ARHGAP26: variants seen among roughly 807,000 people sequenced by gnomAD.
ARHGAP26 encodes rho GTPase-activating protein 26.
In ARHGAP26, 38 loss-of-function variants were observed where a neutral mutation model predicts 104.8. The ratio of observed to expected loss-of-function variants is 0.36; its 90% CI spans 0.28 to 0.48. The LOEUF (loss-of-function observed/expected upper bound fraction) is 0.48. Ranked by LOEUF, ARHGAP26 falls within the 20% of genes least tolerant of loss-of-function variation. ARHGAP26 has a pLI of 0.99. For synonymous variants in ARHGAP26, 341 were observed against 340.0 expected, an observed-to-expected ratio of 1.00 and a Z score of -0.03; for missense variants, 704 against 947.9, an observed-to-expected ratio of 0.74 and a Z score of 3.38.
In ARHGAP26 at chr5:142,816,371, G is replaced by A. The variant is rs187294282; in HGVS notation, c.154+45456G>A. ...TGTTAGGTACAGTGAAGGCTGCAGC[G>A]ATAAAGCCTGCTCAATCTCTTCCCC... On this transcript the variant is annotated intron_variant, in intron 1 of 22. Coordinates refer to ENST00000645722, the MANE Select transcript of ARHGAP26 (RefSeq NM_001135608.3). 2.6e-3 allele frequency among the ~76,000 whole-genome samples: 397 copies of A among 152,300 alleles called. 3 individuals are homozygous for A. The highest frequency in any genetic ancestry group is 2.0e-3 in the Non-Finnish European group (134 of 68,026).
chr5:143,023,856 C>T (rs1780668929), intron 12 of ARHGAP26, among the ~76,000 whole-genome samples: 5 of 152,252 alleles, frequency 3.3e-5, no homozygotes, highest in Admixed American at 3.3e-4. Context: ...CCTCCCTTGC[C>T]TGCGTTCCTT....
intron 18 of ARHGAP26, among the ~76,000 whole-genome samples, chr5:143,126,703 C>G (rs980120716): frequency 1.3e-5 from 2 of 152,122 alleles, no homozygotes; most frequent in African/African-American, 4.8e-5. Flanking sequence ...GACTCCTTAC[C>G]GTGGACTCTC....
At position 143,198,500 on chromosome 5, in the gene ARHGAP26, C is replaced by A. The variant is rs569728417; in HGVS notation, c.1989-8698C>A. ...AATAAGTATTGTGAGCCACGGTGCA[C>A]AATAGAAGCATTCTGCCCATTTAAC... is the stretch of plus-strand genomic sequence containing the variant. On this transcript the variant is annotated intron_variant, in intron 20 of 22. Coordinates refer to ENST00000645722, the MANE Select transcript of ARHGAP26 (RefSeq NM_001135608.3). Among the ~76,000 whole-genome samples the A allele has an allele frequency of 3.3e-5, 5 of 152,262 alleles. No homozygotes were observed. In the South Asian group the frequency reaches 6.2e-4, roughly 19 times the overall value.
rs561737604 is a variant in ARHGAP26, at chr5:143,227,181, G to T, written c.*4735G>T. The T allele has an allele frequency of 1.2e-3, 279 of 230,330 alleles. No individual in the cohort carries two copies. The highest frequency in any genetic ancestry group is 1.9e-3 in the Non-Finnish European group (216 of 116,284). The allele number at this position is 230,330 out of a possible 1,614,324, so 14.3% of individuals were successfully genotyped here. On this transcript the variant is annotated 3_prime_UTR_variant, in exon 23 of 23. Transcript: ENST00000645722. ...TCCCGGAGACAGCAGTGGCCACCAT[G>T]GCACCCAGAGTTTGCCCAAGTACTG...
At chr5:143,139,881 A>T (rs1798314533) in intron 19 of ARHGAP26, among the ~76,000 whole-genome samples, 1 of 152,218 alleles carries the variant, frequency 6.6e-6, no homozygotes, top group Non-Finnish European at 1.5e-5. Context: ...ACGACTGTAG[A>T]AGGGGGAGCC....
chr5:142,973,719 TAAG>T (rs200996894), intron 11 of ARHGAP26, among the ~76,000 whole-genome samples: 1,808 of 152,312 alleles, frequency 0.012, 26 homozygotes, highest in African/African-American at 0.029. Flanking sequence ...TTACATACCT[TAAG>T]ACCCAGGACA....
intron 10 of ARHGAP26, among the ~76,000 whole-genome samples, chr5:142,920,039 A>G (rs1372412702): frequency 6.6e-6 from 1 of 152,208 alleles, no homozygotes; most frequent in East Asian, 1.9e-4. Context: ...TTATTCTTTA[A>G]TGAAGCAGCA....
At position 142,910,596 on chromosome 5, in the gene ARHGAP26, G is replaced by T. The variant is rs565215201; in HGVS notation, c.934-2603G>T. ...TCTAATGAAAATACAAAAATTAGCC[G>T]GGTGCAGTGGCGCATGCCTGTAATC... On this transcript the variant is annotated intron_variant, in intron 9 of 22. Coordinates refer to ENST00000645722, the MANE Select transcript of ARHGAP26 (RefSeq NM_001135608.3). 2.0e-5 allele frequency among the ~76,000 whole-genome samples: 3 copies of T among 152,238 alleles called. No homozygotes were observed. In the South Asian group the frequency reaches 6.2e-4, roughly 32 times the overall value.
intron 22 of ARHGAP26, among the ~76,000 whole-genome samples, chr5:143,217,659 A>G (rs1313178543): frequency 1.3e-5 from 2 of 152,208 alleles, no homozygotes; most frequent in Admixed American, 6.5e-5. Flanking sequence ...GGAGCCCCCA[A>G]GCTGCCTAGG....
chr5:143,062,070 G>A (rs1786794192), intron 17 of ARHGAP26, among the ~76,000 whole-genome samples: 1 of 152,126 alleles, frequency 6.6e-6, no homozygotes, highest in Non-Finnish European at 1.5e-5. Flanking sequence ...GACAGCCCAC[G>A]GTGTCTACAG....
At chr5:142,818,605 T>G (rs1198750189) in intron 1 of ARHGAP26, among the ~76,000 whole-genome samples, 1 of 152,104 alleles carries the variant, frequency 6.6e-6, no homozygotes, top group South Asian at 2.1e-4. Flanking sequence ...ACCTTGGAGA[T>G]CACTTAATAT....
At chr5:142,979,878 T>A (rs986586283) in intron 11 of ARHGAP26, among the ~76,000 whole-genome samples, 1 of 152,214 alleles carries the variant, frequency 6.6e-6, no homozygotes, top group Admixed American at 6.5e-5. Flanking sequence ...TATAAATCCC[T>A]GGCCAGCAGC....
chr5:142,885,328 G>C lies in ARHGAP26; in HGVS notation c.415G>C (p.Glu139Gln), dbSNP rs1359874871. Residue 139 changes from glutamate (E) to glutamine (Q), a missense_variant, in exon 5 of 23, where the codon GAA (glutamate) becomes CAA (glutamine). By Grantham distance (29) the Glu-to-Gln change is conservative. Coordinates refer to ENST00000645722, the MANE Select transcript of ARHGAP26 (RefSeq NM_001135608.3). ...CAAAAAGAAGTATGACAAAGAGACAGAAAAGTATTGTGGCATCTTAGAAAA... is the reference window on the plus strand; with the variant it reads ...CAAAAAGAAGTATGACAAAGAGACACAAAAGTATTGTGGCATCTTAGAAAA... ...EAKKKYDKETEKYCGILEKHL... is the reference protein window; with the variant it reads ...EAKKKYDKETQKYCGILEKHL... 2 of 1,613,758 alleles carry C rather than the reference G, an allele frequency of 1.2e-6. No homozygotes were observed. The highest frequency in any genetic ancestry group is 2.2e-5 in the South Asian group (2 of 91,014).
intron 17 of ARHGAP26, among the ~76,000 whole-genome samples, chr5:143,065,824 TAAA>T (rs1248885142): frequency 6.6e-6 from 1 of 152,086 alleles, no homozygotes; most frequent in Non-Finnish European, 1.5e-5. Context: ...AAGGGGAAGT[TAAA>T]AAACTCTGAG....
intron 17 of ARHGAP26, among the ~76,000 whole-genome samples, chr5:143,105,620 T>C (rs941468073): frequency 2.6e-5 from 4 of 152,200 alleles, no homozygotes; most frequent in African/African-American, 9.7e-5. Flanking sequence ...GGTATATAAG[T>C]ACATGTGTCA....
At chr5:143,217,452 C>T (rs1472290553) in intron 22 of ARHGAP26, among the ~76,000 whole-genome samples, 3 of 152,164 alleles carry the variant, frequency 2.0e-5, no homozygotes, top group Non-Finnish European at 4.4e-5. Context: ...TTCTCAGGAA[C>T]GTTAGTCATC....
At chr5:142,787,561 C>T (rs763360201) in intron 1 of ARHGAP26, among the ~76,000 whole-genome samples, 2 of 152,140 alleles carry the variant, frequency 1.3e-5, no homozygotes, top group Admixed American at 6.5e-5. Context: ...ACAGCCAAGC[C>T]CACAGCTGAC....
chr5:142,864,868 G>A (rs953493880), intron 1 of ARHGAP26, among the ~76,000 whole-genome samples: 1 of 152,232 alleles, frequency 6.6e-6, no homozygotes, highest in Non-Finnish European at 1.5e-5. Context: ...GTGAGAGACC[G>A]GGATTTAAGC....
At chr5:142,938,000 A>G (rs1212021063) in intron 11 of ARHGAP26, among the ~76,000 whole-genome samples, 2 of 152,126 alleles carry the variant, frequency 1.3e-5, no homozygotes, top group African/African-American at 4.8e-5. Context: ...TAGTTATGAG[A>G]AACTGCAGCA....
Sources: gnomAD v4.1 joint callset for allele counts (sites outside exome capture counted in the v4.1 genomes callset) on GRCh38, gnomAD v4.1.1 for gene constraint, MANE v1.5 for transcripts, NCBI Gene and HGNC (gene_info 2026-07-23, HGNC 2026-07-21) for gene names.